Variants in BET1 observed in about 807,000 individuals in gnomAD.
BET1 encodes BET1 homolog.
BET1 carries 9 observed loss-of-function variants against 13.9 expected under a neutral mutation model. That is an observed-to-expected ratio of 0.65 (90% CI 0.39 to 1.13). The LOEUF (loss-of-function observed/expected upper bound fraction) is 1.13, where lower values mean the gene tolerates loss of function less well. BET1 is among the 50% of genes most tolerant of loss of function. The pLI is 0.01. For synonymous variants in BET1, 39 were observed against 47.3 expected (o/e 0.82, Z 0.72); for missense variants, 127 against 133.6 (o/e 0.95, Z 0.24).
At chr7:93,993,223 TA>T (rs777938008), downstream of BET1, 100 of 980,508 alleles carry the variant, frequency 1.0e-4, no homozygotes, top group Non-Finnish European at 1.1e-4. Context: ...ACTGAGAATG[TA>T]AAAGAGACTT....
intron 3 of BET1, among the ~76,000 whole-genome samples, chr7:93,995,519 C>T (rs1016245105): frequency 1.3e-5 from 2 of 152,094 alleles, no homozygotes; most frequent in Non-Finnish European, 2.9e-5. Context: ...ATCAGAATCA[C>T]CAGAGATGCT....
Position 94,004,301 on chromosome 7 carries a change from G to C in BET1, c.-85C>G. The stretch of plus-strand genomic sequence containing the variant: ...AGGGGCGACCCGGACCGCGTCTTCA[G>C]TACCAGGGCCCAGCGAAACACCAAC... On this transcript the variant is annotated 5_prime_UTR_variant, in exon 1 of 4. An upstream open reading frame in the 5' UTR gains an earlier in-frame stop. Coordinates refer to ENST00000222547, the MANE Select transcript of BET1 (RefSeq NM_005868.6). 2.5e-6 allele frequency: 4 copies of C among 1,575,922 alleles called. No individual in the cohort carries two copies. Among genetic ancestry groups the C allele is most frequent in the Middle Eastern group, 1.7e-4 (1 of 5,882 alleles).
rs142492070 is a variant in BET1 at position 93,966,872 on chromosome 7, GAGTT to G, written c.*138-1189_*138-1186del. Among the ~76,000 whole-genome samples, 499 of 151,840 alleles carry G rather than the reference GAGTT, an allele frequency of 3.3e-3. 6 individuals carry two copies. Among genetic ancestry groups the G allele is most frequent in the African/African-American group, 0.012 (483 of 41,492 alleles). The stretch of plus-strand genomic sequence containing the variant: ...CTTTGGGTTATATTTGGACCATCTG[GAGTT>G]AGTTCTTCTGTTTTAGTCTAAAGCA... On this transcript the variant is annotated intron_variant and NMD_transcript_variant, in intron 6 of 6. Coordinates refer to the BET1 transcript ENST00000357520.
exon 7 of BET1, chr7:93,965,164 T>C (rs888175160): frequency 3.3e-5 from 5 of 152,082 alleles, no homozygotes; most frequent in African/African-American, 1.2e-4. Flanking sequence ...ACTGCTGGCC[T>C]CCAGAAGCCT....
At chr7:93,985,579 GTATTGTAATGTATTCAAACTA>G (rs1253283007) in intron 4 of BET1, among the ~76,000 whole-genome samples, 7 of 152,232 alleles carry the variant, frequency 4.6e-5, no homozygotes, top group South Asian at 2.1e-4. Context: ...AAACTAAACT[GTATTGTAATGTATTCAAACTA>G]TATTGTAATG....
intron 4 of BET1, among the ~76,000 whole-genome samples, chr7:93,986,402 C>G (rs1458783124): frequency 1.3e-5 from 2 of 152,140 alleles, no homozygotes; most frequent in African/African-American, 2.4e-5. Flanking sequence ...AAGTTGGAAA[C>G]AAAAACTCTT....
At chr7:93,997,704 A>C (rs991939737) in intron 2 of BET1, among the ~76,000 whole-genome samples, 2 of 152,242 alleles carry the variant, frequency 1.3e-5, no homozygotes, top group Non-Finnish European at 2.9e-5. Context: ...CGTCATGTTC[A>C]TTATAATGCA....
At chr7:93,972,160 C>G (rs1795267295) in intron 6 of BET1, among the ~76,000 whole-genome samples, 1 of 151,810 alleles carries the variant, frequency 6.6e-6, no homozygotes, top group East Asian at 1.9e-4. Context: ...GAAGTGTTAG[C>G]TCTAGAGTGT....
intron 2 of BET1, among the ~76,000 whole-genome samples, chr7:93,997,989 GA>G (rs1242672371): frequency 2.0e-5 from 3 of 152,144 alleles, no homozygotes; most frequent in African/African-American, 7.2e-5. Flanking sequence ...AGTTTGGAGG[GA>G]GGGGGTGCAA....
In BET1 at chr7:93,978,922, T is replaced by A. The variant is rs181469334; in HGVS notation, c.236-2822A>T. On this transcript the variant is annotated intron_variant and NMD_transcript_variant, in intron 4 of 6. Coordinates refer to the BET1 transcript ENST00000357520. ...TCATGGTTCAAGAGCACCCAATCACTGGAGCTGCCACTAGTGGACACTTAA... is the reference window on the plus strand; with the variant it reads ...TCATGGTTCAAGAGCACCCAATCACAGGAGCTGCCACTAGTGGACACTTAA... Among the ~76,000 whole-genome samples, 10 of 152,318 alleles carry A rather than the reference T, an allele frequency of 6.6e-5. No individual in the cohort carries two copies. In the East Asian group the frequency reaches 1.7e-3, roughly 26 times the overall value.
chr7:93,967,607 GA>G (rs1188300243), intron 6 of BET1, among the ~76,000 whole-genome samples: 1 of 151,752 alleles, frequency 6.6e-6, no homozygotes, highest in Non-Finnish European at 1.5e-5. Flanking sequence ...AGGCTGAAAT[GA>G]GTTTTATATT....
intron 6 of BET1, among the ~76,000 whole-genome samples, chr7:93,966,984 T>C (rs1411341738): frequency 1.3e-5 from 2 of 151,918 alleles, no homozygotes; most frequent in Admixed American, 1.3e-4. Flanking sequence ...AAGGGTAATA[T>C]ATACAGACTT....
chr7:93,994,561 A>T (rs1795719756), intron 3 of BET1, among the ~76,000 whole-genome samples, 176 bp from the exon 4 acceptor site: 1 of 152,204 alleles, frequency 6.6e-6, no homozygotes, highest in South Asian at 2.1e-4. Context: ...TCCATGCAAA[A>T]TACAGTAATA....
At chr7:93,965,002 T>C (rs1467007101) in exon 7 of BET1, 1 of 152,110 alleles carries the variant, frequency 6.6e-6, no homozygotes, top group African/African-American at 2.4e-5. Context: ...TAAATCATTC[T>C]ACCAAAGAGA....
intron 2 of BET1, among the ~76,000 whole-genome samples, chr7:93,997,271 C>T (rs1795792759): frequency 6.6e-6 from 1 of 152,128 alleles, no homozygotes; most frequent in African/African-American, 2.4e-5. Context: ...CAAAACCATA[C>T]TAGAATTCTA....
At chr7:93,997,816 A>G (rs1795805362) in intron 2 of BET1, among the ~76,000 whole-genome samples, 1 of 152,244 alleles carries the variant, frequency 6.6e-6, no homozygotes, top group Non-Finnish European at 1.5e-5. Context: ...AGTGCTATAT[A>G]GAATATAAAG....
At chr7:93,968,759 G>A (rs181541974) in intron 6 of BET1, among the ~76,000 whole-genome samples, 5 of 151,750 alleles carry the variant, frequency 3.3e-5, no homozygotes, top group Admixed American at 3.3e-4. Context: ...ATCAAGGAGG[G>A]AGAACTTATA....
At chr7:93,979,548 A>G (rs1314349583) in intron 4 of BET1, among the ~76,000 whole-genome samples, 2 of 152,062 alleles carry the variant, frequency 1.3e-5, no homozygotes, top group Non-Finnish European at 2.9e-5. Flanking sequence ...CAGCAACCAC[A>G]TATGAACCAA....
chr7:94,000,861 A>T (rs1264597933), intron 1 of BET1, among the ~76,000 whole-genome samples: 1 of 152,172 alleles, frequency 6.6e-6, no homozygotes, highest in Non-Finnish European at 1.5e-5. Flanking sequence ...AGCCTGCTGC[A>T]CACAGTTGCT....
Sources: gnomAD v4.1 joint callset for allele counts (sites outside exome capture counted in the v4.1 genomes callset) on GRCh38, gnomAD v4.1.1 for gene constraint, MANE v1.5 for transcripts, NCBI Gene and HGNC (gene_info 2026-07-23, HGNC 2026-07-21) for gene names.